ENTPD6: variants seen among roughly 807,000 people sequenced by gnomAD.
The protein encoded by ENTPD6 is CD39 antigen-like 2.
In ENTPD6, 46 loss-of-function variants were observed where a neutral mutation model predicts 61.5. The ratio of observed to expected loss-of-function variants is 0.75; its 90% CI spans 0.59 to 0.96. The LOEUF (loss-of-function observed/expected upper bound fraction) is 0.96. Ranked by LOEUF, ENTPD6 falls within the 40% of genes least tolerant of loss-of-function variation. ENTPD6 has a pLI of 0.00. For synonymous variants in ENTPD6, 252 were observed against 255.5 expected, an observed-to-expected ratio of 0.99 and a Z score of 0.13; for missense variants, 612 against 629.0, an observed-to-expected ratio of 0.97 and a Z score of 0.29.
At position 25,223,732 on chromosome 20, in the gene ENTPD6, T is replaced by A. The variant is rs183537093; in HGVS notation, c.1187-369T>A. On this transcript the variant is annotated intron_variant, in intron 12 of 14. Coordinates refer to ENST00000376652, the MANE Select transcript of ENTPD6 (RefSeq NM_001247.5). ...TTTTTTTTTTTTACATTTAGGAAAC[T>A]GATACCAGAATACTGTTGCTGAGCT... 12 of 163,408 alleles carry A rather than the reference T, an allele frequency of 7.3e-5. No individual in the cohort carries two copies. The East Asian group carries it at 2.0e-3, about 27-fold the overall frequency. 10.1% of individuals were successfully genotyped at this position (163,408 alleles called of 1,614,324 possible). A position where few individuals can be genotyped will look rare whatever the true frequency, so the allele number is the denominator to read the frequency against.
rs56110625 is a variant in ENTPD6, at chr20:25,217,904, G to T, written c.878+323G>T. Among the ~76,000 whole-genome samples, 703 of 136,814 alleles carry T rather than the reference G, an allele frequency of 5.1e-3. 2 individuals carry two copies. Among genetic ancestry groups the T allele is most frequent in the Non-Finnish European group, 8.5e-3 (548 of 64,582 alleles). The allele number at this position is 136,814 out of a possible 152,430, so 89.8% of individuals were successfully genotyped here. A position where few individuals can be genotyped will look rare whatever the true frequency, so the allele number is the denominator to read the frequency against. ...ACCTCTCTCTCCTCCTCCTCCTCCCGCCTCCTCTGTCCTCCTCCTTCATCC... is the reference window on the plus strand; with the variant it reads ...ACCTCTCTCTCCTCCTCCTCCTCCCTCCTCCTCTGTCCTCCTCCTTCATCC... On this transcript the variant is annotated intron_variant, in intron 9 of 14. Transcript: ENST00000376652.
chr20:25,200,854 A>C, intron 1 of ENTPD6, among the ~76,000 whole-genome samples: 1 of 133,624 alleles, frequency 7.5e-6, no homozygotes, highest in Admixed American at 7.4e-5. Flanking sequence ...TCCTTTTTCT[A>C]GCTTTATGTT....
chr20:25,203,315 T>C (rs1158672998), intron 1 of ENTPD6, among the ~76,000 whole-genome samples: 3 of 152,246 alleles, frequency 2.0e-5, no homozygotes, highest in African/African-American at 7.2e-5. Context: ...TTCATGTCTT[T>C]AGTCAAATTT....
chr20:25,209,854 C>T lies in ENTPD6; in HGVS notation c.382C>T (p.Pro128Ser). The change falls in exon 4 of 15, where the codon CCC becomes TCC. Residue 128 changes from proline (P) to serine (S), a missense_variant. Transcript: ENST00000376652. ...FQFTRPPRET[P>S]TLTHETFKAL... ...TCAACATGTTTTCCCCTTAGAAACT[C>T]CCACGTTAACCCACGAAACCTTCAA... 2.5e-6 allele frequency: 4 copies of T among 1,613,848 alleles called. No individual in the cohort carries two copies. Among genetic ancestry groups the T allele is most frequent in the Non-Finnish European group, 3.4e-6 (4 of 1,179,728 alleles).
intron 1 of ENTPD6, among the ~76,000 whole-genome samples, chr20:25,199,009 G>T (rs1329815942): frequency 6.6e-6 from 1 of 152,190 alleles, no homozygotes; most frequent in Non-Finnish European, 1.5e-5. Flanking sequence ...TATGATGCCT[G>T]CATCTTCCTC....
intron 11 of ENTPD6, chr20:25,221,899 GC>G: frequency 5.5e-6 from 1 of 181,848 alleles, no homozygotes; most frequent in Non-Finnish European, 1.2e-5. Flanking sequence ...GTACCGGGGG[GC>G]CGCATCAGGC....
chr20:25,218,876 G>A (rs2092494862), intron 10 of ENTPD6, among the ~76,000 whole-genome samples: 1 of 152,172 alleles, frequency 6.6e-6, no homozygotes, highest in Non-Finnish European at 1.5e-5. Context: ...CACCTTCCAA[G>A]GTATTTCTTT....
chr20:25,219,740 C>T (rs574397899), intron 10 of ENTPD6, among the ~76,000 whole-genome samples: 110 of 152,298 alleles, frequency 7.2e-4, no homozygotes, highest in African/African-American at 2.6e-3. Context: ...CAGCCCCCAG[C>T]GCCCCATTGG....
At chr20:25,211,614 C>T (rs1260698359) in intron 4 of ENTPD6, among the ~76,000 whole-genome samples, 3 of 152,176 alleles carry the variant, frequency 2.0e-5, no homozygotes, top group African/African-American at 7.2e-5. Flanking sequence ...GCGTTTATGT[C>T]GGCATGTGCA....
At chr20:25,221,550 CCT>C (rs2092633863) in intron 11 of ENTPD6, 1 of 600,420 alleles carries the variant, frequency 1.7e-6, no homozygotes, top group Non-Finnish European at 3.0e-6. Context: ...TCAACATTCC[CCT>C]GACTGTCACC....
At position 25,227,582 on chromosome 20, in the gene ENTPD6, C is replaced by T. The variant is rs553473431; in HGVS notation, c.*1985C>T. On this transcript the variant is annotated 3_prime_UTR_variant, in exon 15 of 15. Transcript: ENST00000376652. Reference sequence around the variant, plus strand: ...GTCAAAAATAGCTACACGTGCACATCGTAAAAGAAGCAAACTAGGGTTGCT... The same window carrying T: ...GTCAAAAATAGCTACACGTGCACATTGTAAAAGAAGCAAACTAGGGTTGCT... 6.6e-6 allele frequency among the ~76,000 whole-genome samples: 1 copy of T among 152,214 alleles called. No individual in the cohort carries two copies. The highest frequency in any genetic ancestry group is 1.5e-5 in the Non-Finnish European group (1 of 68,044).
rs535742488 is a variant in ENTPD6, at chr20:25,227,972, G to A, written c.*2375G>A. ...TCGGGTATATCTAAGTTGTATTTCC[G>A]TGAAACATCTGTTCATATCCCTTGC... On this transcript the variant is annotated 3_prime_UTR_variant, in exon 15 of 15. Coordinates refer to ENST00000376652, the MANE Select transcript of ENTPD6 (RefSeq NM_001247.5). 7.2e-5 allele frequency among the ~76,000 whole-genome samples: 11 copies of A among 152,236 alleles called. No individual in the cohort carries two copies. The highest frequency in any genetic ancestry group is 1.9e-4 in the East Asian group (1 of 5,190).
At chr20:25,205,797 G>A (rs929405663) in intron 1 of ENTPD6, among the ~76,000 whole-genome samples, 1 of 152,232 alleles carries the variant, frequency 6.6e-6, no homozygotes, top group South Asian at 2.1e-4. Flanking sequence ...ACCTCTCTGG[G>A]CCTGAGGATA....
Position 25,216,752 on chromosome 20 carries a change from G to T in ENTPD6, c.798+16G>T. On this transcript the variant is annotated intron_variant, in intron 8 of 14. Coordinates refer to ENST00000376652, the MANE Select transcript of ENTPD6 (RefSeq NM_001247.5). ...ACGCGTGGAGGTAACAAGCCCTGCC[G>T]ACCACAGCGCTCTTTCCACCCCGAG... The T allele has an allele frequency of 6.9e-7, 1 of 1,453,466 alleles. No individual in the cohort carries two copies. Among genetic ancestry groups the T allele is most frequent in the Non-Finnish European group, 9.2e-7 (1 of 1,084,528 alleles). The allele number at this position is 1,453,466 out of a possible 1,614,324, so 90.0% of individuals were successfully genotyped here.
chr20:25,210,013 C>T, intron 4 of ENTPD6, 88 bp downstream of exon 4: 2 of 1,199,540 alleles, frequency 1.7e-6, no homozygotes. Flanking sequence ...GCTGTCTTCA[C>T]AAAGGAAGGG....
At chr20:25,209,318 G>T (rs984511469) in intron 3 of ENTPD6, among the ~76,000 whole-genome samples, 1 of 151,624 alleles carries the variant, frequency 6.6e-6, no homozygotes, top group South Asian at 2.1e-4. Flanking sequence ...CACCATATTC[G>T]CCAGGATGGT....
At chr20:25,203,530 C>G (rs1339117095) in intron 1 of ENTPD6, among the ~76,000 whole-genome samples, 1 of 152,228 alleles carries the variant, frequency 6.6e-6, no homozygotes, top group Non-Finnish European at 1.5e-5. Flanking sequence ...TCTACCGACT[C>G]AAATCCCTCT....
At chr20:25,221,567 G>A in intron 11 of ENTPD6, 1 of 560,966 alleles carries the variant, frequency 1.8e-6, no homozygotes. Flanking sequence ...GTCACCAGAA[G>A]CTTCCTCCTG....
Position 25,222,822 on chromosome 20 carries a change from T to C in ENTPD6, c.1046-16T>C, listed in dbSNP as rs898644198. 1.2e-6 allele frequency: 2 copies of C among 1,612,920 alleles called. No homozygotes were observed. Among genetic ancestry groups the C allele is most frequent in the Non-Finnish European group, 8.5e-7 (1 of 1,179,752 alleles). ...GCTCGGAGCCCACTGACCGCTAGCC[T>C]TGTGCTTGTCCCCAGCGGCAAGCCT... On this transcript the variant is annotated splice_polypyrimidine_tract_variant and intron_variant, in intron 11 of 14. Coordinates refer to ENST00000376652, the MANE Select transcript of ENTPD6 (RefSeq NM_001247.5).
Sources: gnomAD v4.1 joint callset for allele counts (sites outside exome capture counted in the v4.1 genomes callset) on GRCh38, gnomAD v4.1.1 for gene constraint, MANE v1.5 for transcripts, NCBI Gene and HGNC (gene_info 2026-07-23, HGNC 2026-07-21) for gene names.